PLEKHA5: variants seen among roughly 807,000 people sequenced by gnomAD.
PLEKHA5 encodes the protein pleckstrin homology domain containing A5.
Under a neutral mutation model 181.9 loss-of-function variants are expected in PLEKHA5, and 55 were observed. That is an observed-to-expected ratio of 0.30 (90% CI 0.24 to 0.38). The LOEUF is 0.38. PLEKHA5 is among the 10% of genes least tolerant of loss of function. The probability of loss-of-function intolerance (pLI) is 1.00; values close to 1 mark genes in which losing one functional copy is unlikely to be tolerated. For synonymous variants in PLEKHA5, 535 were observed against 529.4 expected (o/e 1.01, Z -0.15); for missense variants, 1,432 against 1,549.5 (o/e 0.92, Z 1.27).
intron 30 of PLEKHA5, 124 bp from the exon 31 acceptor site, chr12:19,369,569 A>T (rs2095525707): frequency 1.8e-6 from 1 of 570,438 alleles, no homozygotes; most frequent in African/African-American, 1.9e-5. Flanking sequence ...AATAGAACCA[A>T]ATGTATCTAT....
intron 3 of PLEKHA5, among the ~76,000 whole-genome samples, chr12:19,172,461 G>T (rs554852180): frequency 6.6e-6 from 1 of 152,242 alleles, no homozygotes; most frequent in African/African-American, 2.4e-5. Flanking sequence ...AACGACCCGG[G>T]GGGGCAAAAG....
chr12:19,290,843 T>C, intron 14 of PLEKHA5, 47 bp downstream of exon 14: 2 of 1,487,056 alleles, frequency 1.3e-6, no homozygotes, highest in Non-Finnish European at 9.0e-7. Context: ...TCATCTCTTA[T>C]TTTGAAACAC....
intron 3 of PLEKHA5, among the ~76,000 whole-genome samples, chr12:19,163,213 A>G (rs1333250639): frequency 4.0e-5 from 6 of 149,888 alleles, no homozygotes; most frequent in East Asian, 2.0e-4. Flanking sequence ...GTCTCACTCT[A>G]TCGCCCAGGC....
At chr12:19,166,809 G>T (rs1172324734) in intron 3 of PLEKHA5, among the ~76,000 whole-genome samples, 1 of 152,080 alleles carries the variant, frequency 6.6e-6, no homozygotes, top group Non-Finnish European at 1.5e-5. Context: ...CCCTAACTAC[G>T]TGAATCATCT....
chr12:19,326,176 A>G (rs947822150), intron 20 of PLEKHA5, among the ~76,000 whole-genome samples: 4 of 152,120 alleles, frequency 2.6e-5, no homozygotes, highest in African/African-American at 9.7e-5. Flanking sequence ...CCCTCAGAAT[A>G]TATTCTTCTA....
intron 11 of PLEKHA5, among the ~76,000 whole-genome samples, chr12:19,278,748 C>T (rs1411883178): frequency 6.6e-6 from 1 of 151,936 alleles, no homozygotes; most frequent in Non-Finnish European, 1.5e-5. Flanking sequence ...GAGGGAAAGC[C>T]TCAAGGAATT....
intron 3 of PLEKHA5, among the ~76,000 whole-genome samples, chr12:19,218,613 G>A (rs1308195859): frequency 6.6e-6 from 1 of 151,972 alleles, no homozygotes; most frequent in Admixed American, 6.6e-5. Flanking sequence ...GAATAAAAAT[G>A]TTTCTCCATA....
At chr12:19,320,296 T>C (rs2090309385) in intron 17 of PLEKHA5, among the ~76,000 whole-genome samples, 1 of 152,092 alleles carries the variant, frequency 6.6e-6, no homozygotes, top group African/African-American at 2.4e-5. Flanking sequence ...TAAGATACTG[T>C]ATTAGTTTTG....
chr12:19,188,807 T>A (rs960648686), intron 3 of PLEKHA5, among the ~76,000 whole-genome samples: 10 of 152,220 alleles, frequency 6.6e-5, no homozygotes, highest in Admixed American at 2.0e-4. Context: ...TCATTGTCTG[T>A]TTGCATTTAT....
intron 15 of PLEKHA5, among the ~76,000 whole-genome samples, chr12:19,295,494 G>A (rs1035246013): frequency 6.6e-6 from 1 of 152,122 alleles, no homozygotes. Flanking sequence ...GAAATATCCT[G>A]TTGTAGTTCT....
intron 29 of PLEKHA5, 127 bp from the exon 30 acceptor site, chr12:19,365,837 G>T: frequency 1.6e-6 from 1 of 612,398 alleles, no homozygotes; most frequent in Non-Finnish European, 2.7e-6. Flanking sequence ...TCAAAAGAAA[G>T]AAAAGATTAA....
intron 3 of PLEKHA5, among the ~76,000 whole-genome samples, chr12:19,186,175 G>A (rs1483901234): frequency 1.3e-5 from 2 of 152,240 alleles, no homozygotes; most frequent in South Asian, 2.1e-4. Flanking sequence ...AAAGGAAAAT[G>A]GCTGTGCTAA....
chr12:19,370,163 T>A (rs1565676606), intron 31 of PLEKHA5, among the ~76,000 whole-genome samples: 1 of 152,262 alleles, frequency 6.6e-6, no homozygotes, highest in African/African-American at 2.4e-5. Flanking sequence ...TATGTAATGC[T>A]TTTTACAGTT....
intron 25 of PLEKHA5, among the ~76,000 whole-genome samples, chr12:19,352,384 CAA>C (rs200203166): frequency 2.4e-5 from 3 of 124,298 alleles, no homozygotes; most frequent in Admixed American, 8.1e-5. Flanking sequence ...GACTCCATCT[CAA>C]AAAAAAAAAA....
chr12:19,308,215 T>C (rs2084862226), intron 15 of PLEKHA5, among the ~76,000 whole-genome samples: 1 of 152,122 alleles, frequency 6.6e-6, no homozygotes, highest in African/African-American at 2.4e-5. Context: ...ATGATCATCA[T>C]GAAGAAGACA....
intron 3 of PLEKHA5, among the ~76,000 whole-genome samples, chr12:19,248,890 T>C (rs945585002): frequency 6.6e-6 from 1 of 152,224 alleles, no homozygotes; most frequent in Non-Finnish European, 1.5e-5. Context: ...TGATGACATA[T>C]ACTGAATGTC....
At chr12:19,308,921 G>T (rs2085280525) in intron 15 of PLEKHA5, among the ~76,000 whole-genome samples, 1 of 137,104 alleles carries the variant, frequency 7.3e-6, no homozygotes, top group Admixed American at 7.1e-5. Flanking sequence ...AATTAGCCAG[G>T]CATGGTGGTG....
chr12:19,297,538 C>T (rs562968275), intron 15 of PLEKHA5, among the ~76,000 whole-genome samples: 23 of 147,712 alleles, frequency 1.6e-4, no homozygotes, highest in African/African-American at 4.5e-4. Flanking sequence ...AGGAGAATGG[C>T]GTGAACCCGG....
intron 20 of PLEKHA5, among the ~76,000 whole-genome samples, chr12:19,334,041 A>T (rs568036258): frequency 6.6e-6 from 1 of 152,216 alleles, no homozygotes; most frequent in African/African-American, 2.4e-5. Flanking sequence ...TTATCTTGCT[A>T]TATTAGCTTC....
Sources: allele counts gnomAD v4.1 joint callset (sites outside exome capture counted in the v4.1 genomes callset), GRCh38; gene constraint gnomAD v4.1.1; transcripts MANE v1.5; gene names NCBI Gene and HGNC (gene_info 2026-07-23, HGNC 2026-07-21).